ADH7: variants seen among roughly 807,000 people sequenced by gnomAD.
The protein encoded by ADH7 is all-trans-retinol dehydrogenase [NAD(+)] ADH7.
ADH7 carries 41 observed loss-of-function variants against 34.4 expected under a neutral mutation model. That is an observed-to-expected ratio of 1.19 (90% CI 0.93 to 1.55). The LOEUF (loss-of-function observed/expected upper bound fraction) is 1.55, where lower values mean the gene tolerates loss of function less well. Among genes scored for constraint, ADH7 ranks in the 40% most tolerant of loss-of-function variants. ADH7 has a pLI of 0.00. For missense variants in ADH7, 540 were observed against 461.2 expected, an observed-to-expected ratio of 1.17 and a Z score of -1.56; for synonymous variants, 180 against 160.9, an observed-to-expected ratio of 1.12 and a Z score of -0.90.
chr4:99,428,670 T>C (rs1217858510), intron 2 of ADH7, 40 bp from the exon 3 acceptor site: 2 of 1,590,844 alleles, frequency 1.3e-6, no homozygotes, highest in South Asian at 2.3e-5. Context: ...ATCAACAAAC[T>C]GATCATTTCA....
chr4:99,431,668 A>G (rs930855711), intron 1 of ADH7, among the ~76,000 whole-genome samples: 1 of 152,228 alleles, frequency 6.6e-6, no homozygotes, highest in Non-Finnish European at 1.5e-5. Flanking sequence ...AAGGATATGA[A>G]CAGACATTTT....
At chr4:99,426,660 A>T (rs1721812537) in intron 5 of ADH7, among the ~76,000 whole-genome samples, 1 of 152,224 alleles carries the variant, frequency 6.6e-6, no homozygotes, top group Non-Finnish European at 1.5e-5. Context: ...ATTCCTTCTG[A>T]AACTATTCCA....
chr4:99,418,921 C>T, intron 7 of ADH7, 65 bp downstream of exon 7: 4 of 1,581,502 alleles, frequency 2.5e-6, no homozygotes, highest in Non-Finnish European at 3.4e-6. Context: ...AAACAGGCTT[C>T]TCCCACTTGC....
At chr4:99,428,660 A>G (rs1721873257) in intron 2 of ADH7, 30 bp from the exon 3 acceptor site, 2 of 1,599,128 alleles carry the variant, frequency 1.3e-6, no homozygotes, top group Non-Finnish European at 1.7e-6. Context: ...CATTGCACCA[A>G]TCAACAAACT....
chr4:99,428,350 C>G (rs1721861961), intron 3 of ADH7, 142 bp downstream of exon 3: 1 of 1,256,428 alleles, frequency 8.0e-7, no homozygotes, highest in Non-Finnish European at 1.1e-6. Flanking sequence ...AAACATTACT[C>G]AGTAAAATCC....
At chr4:99,415,645 G>A (rs751081031) in intron 7 of ADH7, 29 bp from the exon 8 acceptor site, 2 of 1,602,152 alleles carry the variant, frequency 1.2e-6, no homozygotes, top group Admixed American at 1.7e-5. Flanking sequence ...TTTCTCTTTA[G>A]ACATTACTAA....
intron 6 of ADH7, 48 bp downstream of exon 6, chr4:99,420,485 T>C (rs1260880170): frequency 6.4e-7 from 1 of 1,571,722 alleles, no homozygotes; most frequent in Admixed American, 1.7e-5. Context: ...ACCTTGTGCA[T>C]GTCTAATAAC....
At chr4:99,429,167 C>A (rs531105690) in intron 2 of ADH7, among the ~76,000 whole-genome samples, 1 of 152,324 alleles carries the variant, frequency 6.6e-6, no homozygotes, top group African/African-American at 2.4e-5. Context: ...TCTCCAGGCA[C>A]AAGTGAGTTC....
chr4:99,420,391 T>C, intron 6 of ADH7, 142 bp downstream of exon 6: 2 of 977,380 alleles, frequency 2.0e-6, no homozygotes, highest in Non-Finnish European at 3.0e-6. Flanking sequence ...GCTATGTGAT[T>C]ATCAGTTTTT....
rs1469457012 is a variant in ADH7, at chr4:99,413,134, T to C, written c.*14A>G. On this transcript the variant is annotated 3_prime_UTR_variant, in exon 9 of 9. Transcript: ENST00000437033. ...GTTCACCATGACAACACAGACCTCC[T>C]GCCACTTTGGATCTCAAAACGTCAG... 3.7e-6 allele frequency: 6 copies of C among 1,613,476 alleles called. No homozygotes were observed. The African/African-American group carries it at 5.3e-5, about 14-fold the overall frequency.
intron 8 of ADH7, among the ~76,000 whole-genome samples, chr4:99,414,571 A>T (rs1334493492): frequency 6.6e-6 from 1 of 152,174 alleles, no homozygotes; most frequent in Non-Finnish European, 1.5e-5. Context: ...CAAGAGTAGT[A>T]ATCATCACAC....
At chr4:99,433,106 G>T (rs1364930726) in intron 1 of ADH7, among the ~76,000 whole-genome samples, 4 of 152,118 alleles carry the variant, frequency 2.6e-5, no homozygotes, top group Non-Finnish European at 2.9e-5. Context: ...GATATTTAAG[G>T]ATGTTGTGGC....
chr4:99,423,407 T>C lies in ADH7; in HGVS notation c.565-2614A>G, dbSNP rs573470193. On this transcript the variant is annotated intron_variant, in intron 5 of 8. Transcript: ENST00000437033. ...GGTATATACCCAGTAATGGGATGGC[T>C]GGGTCAAATGGTATTTCTAGCTCTA... Among the ~76,000 whole-genome samples, 629 of 151,852 alleles carry C rather than the reference T, an allele frequency of 4.1e-3. 7 individuals are homozygous for C. Among genetic ancestry groups the C allele is most frequent in the African/African-American group, 0.014 (571 of 41,464 alleles).
At chr4:99,426,652 TC>T (rs1338238425) in intron 5 of ADH7, among the ~76,000 whole-genome samples, 1 of 152,152 alleles carries the variant, frequency 6.6e-6, no homozygotes, top group Non-Finnish European at 1.5e-5. Context: ...CTGGTACCAT[TC>T]CTTCTGAAAC....
Position 99,429,582 on chromosome 4 carries a change from T to G in ADH7, c.70A>C (p.Ile24Leu), listed in dbSNP as rs1164490883. The change falls in exon 2 of 9, where the codon ATT (isoleucine) becomes CTT (leucine). Residue 24 changes from isoleucine (I) to leucine (L), a missense_variant. By Grantham distance (5) the Ile-to-Leu change is conservative. Coordinates refer to ENST00000437033, the MANE Select transcript of ADH7 (RefSeq NM_000673.7). ...VLWEQKQPFSIEEIEVAPPKT... is the reference protein window; with the variant it reads ...VLWEQKQPFSLEEIEVAPPKT... ...GGTGGGGCAACTTCTATTTCCTCAA[T>G]GGAGAAGGGTTGCTTCTGCTCCCAA... is the stretch of plus-strand genomic sequence containing the variant. The G allele has an allele frequency of 6.2e-7, 1 of 1,612,546 alleles. No individual in the cohort carries two copies. The highest frequency in any genetic ancestry group is 1.1e-5 in the South Asian group (1 of 90,714).
At chr4:99,422,187 C>G (rs989321137) in intron 5 of ADH7, among the ~76,000 whole-genome samples, 1 of 151,818 alleles carries the variant, frequency 6.6e-6, no homozygotes, top group Admixed American at 6.6e-5. Flanking sequence ...CATTCCACTG[C>G]AAAGACACAT....
chr4:99,426,837 C>A (rs2110138699), intron 5 of ADH7, among the ~76,000 whole-genome samples: 1 of 152,282 alleles, frequency 6.6e-6, no homozygotes, highest in South Asian at 2.1e-4. Context: ...CCGAATCCAA[C>A]AGCACATCAA....
intron 8 of ADH7, among the ~76,000 whole-genome samples, chr4:99,415,147 C>T (rs1355971917): frequency 2.6e-5 from 4 of 152,164 alleles, no homozygotes; most frequent in Non-Finnish European, 5.9e-5. Context: ...TTGCTCGACA[C>T]TTCTCCTTCC....
At chr4:99,416,226 T>G (rs1721512475) in intron 7 of ADH7, among the ~76,000 whole-genome samples, 1 of 152,198 alleles carries the variant, frequency 6.6e-6, no homozygotes, top group Admixed American at 6.5e-5. Context: ...ATATCTTTGC[T>G]TCTATTGCAG....
Sources: gnomAD v4.1 joint callset for allele counts (sites outside exome capture counted in the v4.1 genomes callset) on GRCh38, gnomAD v4.1.1 for gene constraint, MANE v1.5 for transcripts, NCBI Gene and HGNC (gene_info 2026-07-23, HGNC 2026-07-21) for gene names.